NETO1: variants seen among roughly 807,000 people sequenced by gnomAD.
NETO1 encodes neuropilin and tolloid like 1.
NETO1 carries 26 observed loss-of-function variants against 61.3 expected under a neutral mutation model. The ratio of observed to expected loss-of-function variants is 0.42; its 90% CI spans 0.31 to 0.59. The LOEUF (loss-of-function observed/expected upper bound fraction) is 0.59, where lower values mean the gene tolerates loss of function less well. Among genes scored for constraint, NETO1 ranks in the 20% least tolerant of loss-of-function variants. The pLI, the probability that NETO1 is intolerant of heterozygous loss-of-function variation, is 0.12. For missense variants in NETO1, 531 were observed against 662.8 expected (o/e 0.80, Z 2.18); for synonymous variants, 225 against 225.8 (o/e 1.00, Z 0.03).
chr18:72,811,975 G>C (rs1291412129), intron 4 of NETO1, among the ~76,000 whole-genome samples: 1 of 152,170 alleles, frequency 6.6e-6, no homozygotes, highest in Admixed American at 6.5e-5. Flanking sequence ...GAAGCAAGCA[G>C]CTCTGAGCAC....
intron 7 of NETO1, among the ~76,000 whole-genome samples, chr18:72,764,887 G>C (rs928769413): frequency 1.3e-5 from 2 of 152,152 alleles, no homozygotes; most frequent in Admixed American, 1.3e-4. Flanking sequence ...CGTTGAGCCA[G>C]TGGCCATCTC....
intron 7 of NETO1, among the ~76,000 whole-genome samples, chr18:72,762,307 T>A (rs369920930): frequency 1.3e-5 from 2 of 152,116 alleles, no homozygotes; most frequent in Non-Finnish European, 1.5e-5. Context: ...ATTACAGGCA[T>A]GCACCACCAC....
intron 7 of NETO1, among the ~76,000 whole-genome samples, chr18:72,778,786 G>A (rs774814999): frequency 6.6e-6 from 1 of 152,106 alleles, no homozygotes; most frequent in African/African-American, 2.4e-5. Flanking sequence ...TAATGGTCTT[G>A]TTCATGGCAA....
intron 7 of NETO1, among the ~76,000 whole-genome samples, chr18:72,781,990 C>T (rs2071757771): frequency 6.6e-6 from 1 of 152,112 alleles, no homozygotes; most frequent in South Asian, 2.1e-4. Context: ...ATGGTCCTCA[C>T]CCTTTTCCCA....
rs115631494 is a variant in NETO1, at chr18:72,824,484, T to C, written c.470-30080A>G. On this transcript the variant is annotated intron_variant, in intron 4 of 10. Transcript: ENST00000327305. ...AGAAAGTGTTCTGGGAAATACTCATTAACTGTTGAGACTATCATCACATGA... is the reference window on the plus strand; with the variant it reads ...AGAAAGTGTTCTGGGAAATACTCATCAACTGTTGAGACTATCATCACATGA... Among the ~76,000 whole-genome samples the C allele has an allele frequency of 7.4e-3, 1,120 of 152,354 alleles. 11 individuals carry two copies. Among genetic ancestry groups the C allele is most frequent in the African/African-American group, 0.026 (1,072 of 41,584 alleles).
At chr18:72,834,023 G>A (rs2073663217) in intron 4 of NETO1, 1 of 694,082 alleles carries the variant, frequency 1.4e-6, no homozygotes. Flanking sequence ...ACCTACAAGA[G>A]ACAGATATAT....
At chr18:72,774,972 C>A (rs2071496970) in intron 7 of NETO1, among the ~76,000 whole-genome samples, 1 of 152,032 alleles carries the variant, frequency 6.6e-6, no homozygotes, top group South Asian at 2.1e-4. Flanking sequence ...CCCTGGGTTT[C>A]AAAATTGCTT....
chr18:72,861,770 A>G (rs1220650484), intron 3 of NETO1, among the ~76,000 whole-genome samples: 1 of 152,138 alleles, frequency 6.6e-6, no homozygotes, highest in Admixed American at 6.5e-5. Context: ...TTTTAAATGT[A>G]CCTTTCTCTA....
rs568804564 is a variant in NETO1, at chr18:72,844,923, G to A, written c.469+13903C>T. Among the ~76,000 whole-genome samples the A allele has an allele frequency of 2.1e-5, 3 of 142,508 alleles. No homozygotes were observed. The East Asian group carries it at 6.1e-4, about 29-fold the overall frequency. The allele number at this position is 142,508 out of a possible 152,430, so 93.5% of individuals were successfully genotyped here. A position where few individuals can be genotyped will look rare whatever the true frequency, so the allele number is the denominator to read the frequency against. On this transcript the variant is annotated intron_variant, in intron 4 of 10. Transcript: ENST00000327305. The stretch of plus-strand genomic sequence containing the variant: ...TGAGGACACAGTGAGGGCTCTGTGG[G>A]AAGCAGCACTGAAGCGCAGGTCTTA...
chr18:72,750,357 T>G lies in NETO1; in HGVS notation c.1246A>C (p.Asn416His). The G allele has an allele frequency of 2.5e-6, 4 of 1,614,056 alleles. No individual in the cohort carries two copies. The highest frequency in any genetic ancestry group is 2.5e-6 in the Non-Finnish European group (3 of 1,180,004). Residue 416 changes from asparagine to histidine, a missense_variant, in exon 9 of 11, where the codon AAT (asparagine) becomes CAT (histidine). Coordinates refer to ENST00000327305, the MANE Select transcript of NETO1 (RefSeq NM_138966.5). ...GATGACCTCCGCAGTTTATGGTAAT[T>G]TTCAAAGTCATCTGCCACATCTGCA... The part of the protein sequence containing the change: ...DFADVADDFE[N>H]YHKLRRSSSK...
intron 4 of NETO1, among the ~76,000 whole-genome samples, chr18:72,842,133 T>C (rs2073953107): frequency 6.6e-6 from 1 of 152,184 alleles, no homozygotes; most frequent in Non-Finnish European, 1.5e-5. Flanking sequence ...TGTTTTAAGG[T>C]ATGCAAAAAT....
At chr18:72,809,728 A>C (rs1192009204) in intron 4 of NETO1, among the ~76,000 whole-genome samples, 1 of 152,202 alleles carries the variant, frequency 6.6e-6, no homozygotes, top group East Asian at 1.9e-4. Flanking sequence ...ACTTATTTTT[A>C]TTAGATAGCA....
chr18:72,789,755 A>C (rs908459964), intron 6 of NETO1, among the ~76,000 whole-genome samples: 1 of 152,092 alleles, frequency 6.6e-6, no homozygotes, highest in Non-Finnish European at 1.5e-5. Context: ...TCACTCCTAG[A>C]ACACATTTCT....
rs768488406 is a variant in NETO1, at chr18:72,794,244, G to A, written c.512C>T (p.Ala171Val). The change falls in exon 6 of 11, where the codon GCG (alanine) becomes GTG (valine). Residue 171 changes from alanine (A) to valine (V), a missense_variant and splice_region_variant. Ala to Val is a moderately conservative substitution (Grantham distance 64). Transcript: ENST00000327305. ...GGAACCGCCCATCTCAAACTCACACGCTAAATAACAAAATGCCAAACAAAC... is the reference window on the plus strand; with the variant it reads ...GGAACCGCCCATCTCAAACTCACACACTAAATAACAAAATGCCAAACAAAC... Reference protein sequence around the residue: ...KDLGALKPLPACEFEMGGSEG... With the variant: ...KDLGALKPLPVCEFEMGGSEG... The A allele has an allele frequency of 4.3e-6, 7 of 1,614,044 alleles. No homozygotes were observed. Among genetic ancestry groups the A allele is most frequent in the Admixed American group, 1.7e-5 (1 of 60,002 alleles).
rs1185241086 is a variant in NETO1 at position 72,864,965 on chromosome 18, GT to G, written c.83-21del. 2 of 1,499,834 alleles carry G rather than the reference GT, an allele frequency of 1.3e-6. No homozygotes were observed. The highest frequency in any genetic ancestry group is 2.5e-5 in the South Asian group (2 of 79,538). The allele number at this position is 1,499,834 out of a possible 1,614,324, so 92.9% of individuals were successfully genotyped here. A position where few individuals can be genotyped will look rare whatever the true frequency, so the allele number is the denominator to read the frequency against. ...GCTTTTCTGTTAAAAAAAAAAAAAA[GT>G]TTTAAAAAGAGCCATCATCCAATTT... On this transcript the variant is annotated intron_variant, in intron 2 of 10. Transcript: ENST00000327305.
chr18:72,743,544 A>G (rs1371879684), downstream of NETO1, among the ~76,000 whole-genome samples: 1 of 152,188 alleles, frequency 6.6e-6, no homozygotes, highest in Non-Finnish European at 1.5e-5. Context: ...AACACAGCAC[A>G]TAATGTTGGG....
intron 3 of NETO1, among the ~76,000 whole-genome samples, chr18:72,862,580 TC>T (rs2074605818): frequency 6.6e-6 from 1 of 151,746 alleles, no homozygotes; most frequent in Non-Finnish European, 1.5e-5. Flanking sequence ...GATACCCTAT[TC>T]TCTGATCCCC....
chr18:72,748,870 A>C, intron 10 of NETO1, 144 bp downstream of exon 10: 1 of 668,264 alleles, frequency 1.5e-6, no homozygotes, highest in Non-Finnish European at 2.7e-6. Context: ...CACTGAACCC[A>C]TCGTATTTCT....
chr18:72,843,076 T>C (rs982396998), intron 4 of NETO1, among the ~76,000 whole-genome samples: 1 of 152,198 alleles, frequency 6.6e-6, no homozygotes, highest in African/African-American at 2.4e-5. Context: ...TGGGAGGGGA[T>C]GTTTTAATCT....
Sources: allele counts gnomAD v4.1 joint callset (sites outside exome capture counted in the v4.1 genomes callset), GRCh38; gene constraint gnomAD v4.1.1; transcripts MANE v1.5; gene names NCBI Gene and HGNC (gene_info 2026-07-23, HGNC 2026-07-21).